SDK1: variants seen among roughly 807,000 people sequenced by gnomAD.
SDK1 encodes sidekick cell adhesion molecule 1.
A neutral mutation model predicts 245.5 loss-of-function variants in SDK1; 157 were observed. The observed-to-expected ratio is 0.64, with a 90% CI of 0.56 to 0.73. SDK1 has a LOEUF of 0.73. SDK1 is among the 30% of genes least tolerant of loss of function. The pLI, the probability that SDK1 is intolerant of heterozygous loss-of-function variation, is 0.00. For synonymous variants in SDK1, 1,647 were observed against 1,278.5 expected, an observed-to-expected ratio of 1.29 and a Z score of -6.15; for missense variants, 3,583 against 3,002.3, an observed-to-expected ratio of 1.19 and a Z score of -4.52.
At chr7:3,490,557 C>A (rs977904018) in intron 1 of SDK1, among the ~76,000 whole-genome samples, 2 of 152,160 alleles carry the variant, frequency 1.3e-5, no homozygotes, top group African/African-American at 2.4e-5. Context: ...CAAGAACTTA[C>A]CATATAGAAT....
intron 4 of SDK1, among the ~76,000 whole-genome samples, chr7:3,759,157 A>G (rs990101804): frequency 6.6e-6 from 1 of 152,134 alleles, no homozygotes; most frequent in Non-Finnish European, 1.5e-5. Flanking sequence ...TTTTTCCTTT[A>G]TCCTGCAATA....
chr7:4,148,521 G>A (rs1026115177), intron 29 of SDK1, among the ~76,000 whole-genome samples: 46 of 152,292 alleles, frequency 3.0e-4, no homozygotes, highest in African/African-American at 1.0e-3. Flanking sequence ...AGTAGATGCC[G>A]TAGATGCTTT....
chr7:3,939,278 T>C (rs1780271823), intron 5 of SDK1, among the ~76,000 whole-genome samples: 3 of 152,232 alleles, frequency 2.0e-5, no homozygotes, highest in African/African-American at 7.2e-5. Flanking sequence ...GCATTCGTGA[T>C]TGCCTTCTGG....
At chr7:4,158,677 A>G (rs1317170853) in intron 31 of SDK1, 126 bp downstream of exon 31, 3 of 657,234 alleles carry the variant, frequency 4.6e-6, no homozygotes, top group African/African-American at 1.8e-5. Context: ...GTAGAATTCC[A>G]TTAGTGACAG....
chr7:3,664,447 G>C (rs1783462402), intron 4 of SDK1, among the ~76,000 whole-genome samples: 1 of 152,034 alleles, frequency 6.6e-6, no homozygotes, highest in Non-Finnish European at 1.5e-5. Flanking sequence ...TTATAAATTT[G>C]AGAACTAGCA....
intron 13 of SDK1, 128 bp from the exon 14 acceptor site, chr7:3,987,058 T>A: frequency 1.2e-6 from 1 of 860,856 alleles, no homozygotes; most frequent in Non-Finnish European, 1.8e-6. Flanking sequence ...TATTTGTGTT[T>A]GGGCATATTT....
intron 4 of SDK1, among the ~76,000 whole-genome samples, chr7:3,674,391 G>T (rs1783822864): frequency 6.6e-6 from 1 of 152,134 alleles, no homozygotes; most frequent in Non-Finnish European, 1.5e-5. Context: ...GCTAGGGCAT[G>T]AGTGTCAGCA....
intron 29 of SDK1, 38 bp from the exon 30 acceptor site, chr7:4,149,224 C>G (rs1362400542): frequency 6.9e-7 from 1 of 1,443,392 alleles, no homozygotes. Flanking sequence ...GAAGGGCAGC[C>G]TCTCACATGT....
chr7:3,757,507 G>C (rs1181112018), intron 4 of SDK1, among the ~76,000 whole-genome samples: 1 of 152,080 alleles, frequency 6.6e-6, no homozygotes, highest in Non-Finnish European at 1.5e-5. Context: ...AAAGTGCTGG[G>C]ACTACAGGTG....
chr7:4,178,629 C>A, intron 35 of SDK1, 43 bp downstream of exon 35: 1 of 1,429,376 alleles, frequency 7.0e-7, no homozygotes, highest in Non-Finnish European at 9.8e-7. Flanking sequence ...GAGAGGGCCA[C>A]AGTGGTGGGG....
intron 14 of SDK1, among the ~76,000 whole-genome samples, chr7:4,003,716 C>G (rs1019996299): frequency 6.6e-6 from 1 of 152,230 alleles, no homozygotes; most frequent in Non-Finnish European, 1.5e-5. Flanking sequence ...GGAATTTAAC[C>G]TGATCTGTGC....
At chr7:4,025,063 A>G (rs908309411) in intron 17 of SDK1, among the ~76,000 whole-genome samples, 6 of 152,006 alleles carry the variant, frequency 3.9e-5, no homozygotes, top group Admixed American at 3.3e-4. Flanking sequence ...CAGAGCATCC[A>G]TGGAACAATA....
At chr7:3,576,136 A>G (rs751356809) in intron 1 of SDK1, among the ~76,000 whole-genome samples, 1 of 152,158 alleles carries the variant, frequency 6.6e-6, no homozygotes, top group Non-Finnish European at 1.5e-5. Context: ...TCCAGCTGTC[A>G]TCAGAATTTT....
chr7:3,641,095 CT>C (rs986661585), intron 3 of SDK1, among the ~76,000 whole-genome samples: 58 of 151,870 alleles, frequency 3.8e-4, no homozygotes, highest in African/African-American at 1.3e-3. Flanking sequence ...TTTGTTTCAT[CT>C]TTTCCCTCAA....
chr7:3,526,223 A>G (rs1476713983), intron 1 of SDK1, among the ~76,000 whole-genome samples: 1 of 151,004 alleles, frequency 6.6e-6, no homozygotes, highest in African/African-American at 2.4e-5. Context: ...ACAGAGCGAG[A>G]CTCCGTCGCA....
At chr7:3,642,434 C>CA (rs1268720003) in intron 4 of SDK1, among the ~76,000 whole-genome samples, 7 of 152,120 alleles carry the variant, frequency 4.6e-5, no homozygotes, top group African/African-American at 1.4e-4. Flanking sequence ...GGGTTTGCCT[C>CA]CTAGTACTAA....
At chr7:3,988,592 G>A (rs1047392573) in intron 14 of SDK1, among the ~76,000 whole-genome samples, 3 of 152,030 alleles carry the variant, frequency 2.0e-5, no homozygotes, top group Non-Finnish European at 2.9e-5. Flanking sequence ...TCAGCCACAC[G>A]GGACACATGA....
intron 7 of SDK1, among the ~76,000 whole-genome samples, chr7:3,958,699 C>T (rs886129205): frequency 1.3e-5 from 2 of 152,112 alleles, no homozygotes; most frequent in Non-Finnish European, 2.9e-5. Context: ...GATTCAAGCC[C>T]ATAAACTGAA....
chr7:3,784,823 C>T (rs935617022), intron 4 of SDK1, among the ~76,000 whole-genome samples: 5 of 152,192 alleles, frequency 3.3e-5, no homozygotes, highest in Admixed American at 3.3e-4. Flanking sequence ...AGAAATAGAA[C>T]TGCCATATGA....
Sources: allele counts gnomAD v4.1 joint callset (sites outside exome capture counted in the v4.1 genomes callset), GRCh38; gene constraint gnomAD v4.1.1; transcripts MANE v1.5; gene names NCBI Gene and HGNC (gene_info 2026-07-23, HGNC 2026-07-21).